SPECC1: variants seen among roughly 807,000 people sequenced by gnomAD.
SPECC1 encodes sperm antigen with calponin homology and coiled-coil domains 1.
SPECC1 carries 62 observed loss-of-function variants against 104.1 expected under a neutral mutation model. The observed-to-expected ratio is 0.60, with a 90% CI of 0.49 to 0.74. The LOEUF is 0.74. Among genes scored for constraint, SPECC1 ranks in the 30% least tolerant of loss-of-function variants. The pLI, the probability that SPECC1 is intolerant of heterozygous loss-of-function variation, is 0.00. For synonymous variants in SPECC1, 513 were observed against 501.6 expected (o/e 1.02, Z -0.30); for missense variants, 1,306 against 1,310.5 (o/e 1.00, Z 0.05).
chr17:20,269,581 C>T (rs1488983368), intron 12 of SPECC1, among the ~76,000 whole-genome samples: 1 of 152,226 alleles, frequency 6.6e-6, no homozygotes, highest in Non-Finnish European at 1.5e-5. Flanking sequence ...TGCCACCACA[C>T]CCAGCTGGTC....
At chr17:20,134,568 G>C (rs368653839) in intron 3 of SPECC1, among the ~76,000 whole-genome samples, 3 of 152,288 alleles carry the variant, frequency 2.0e-5, no homozygotes, top group African/African-American at 7.2e-5. Context: ...CAGAAAGCAA[G>C]ATTTCCTGCT....
chr17:20,250,620 C>G (rs1245166677), intron 9 of SPECC1, among the ~76,000 whole-genome samples: 2 of 152,152 alleles, frequency 1.3e-5, no homozygotes, highest in African/African-American at 2.4e-5. Context: ...AAAGAAATGC[C>G]AGGGCCTTAT....
At chr17:20,240,060 ATTTTTTTTTT>A (rs748689632) in intron 7 of SPECC1, among the ~76,000 whole-genome samples, 7 of 32,192 alleles carry the variant, frequency 2.2e-4, no homozygotes, top group Non-Finnish European at 3.6e-4. Flanking sequence ...TGTCCAGCTA[ATTTTTTTTTT>A]TTTTTTTTTT....
chr17:20,182,119 C>CT (rs57991209), intron 3 of SPECC1, among the ~76,000 whole-genome samples: 42 of 136,560 alleles, frequency 3.1e-4, no homozygotes, highest in Admixed American at 4.5e-4. Flanking sequence ...CTTTCTTTTT[C>CT]TTTTTTTTTT....
intron 3 of SPECC1, among the ~76,000 whole-genome samples, chr17:20,202,995 T>C (rs1356798173): frequency 6.6e-6 from 1 of 152,162 alleles, no homozygotes; most frequent in Non-Finnish European, 1.5e-5. Context: ...TCAGCCTTTA[T>C]GTCATCAGGA....
At chr17:20,293,618 G>A (rs1476340923) in intron 12 of SPECC1, among the ~76,000 whole-genome samples, 1 of 152,202 alleles carries the variant, frequency 6.6e-6, no homozygotes. Context: ...AGAAGAGGAA[G>A]AGCTCCTCAG....
At chr17:20,311,433 A>G (rs562025660) in intron 14 of SPECC1, among the ~76,000 whole-genome samples, 3 of 151,182 alleles carry the variant, frequency 2.0e-5, no homozygotes, top group Admixed American at 2.0e-4. Flanking sequence ...TCTGTCACCC[A>G]GGCCTGGGGT....
intron 7 of SPECC1, chr17:20,237,756 C>G (rs1169863413): frequency 1.0e-5 from 2 of 190,798 alleles, no homozygotes; most frequent in African/African-American, 4.7e-5. Flanking sequence ...TCAGAAGGTT[C>G]GGCGAGTTGG....
chr17:20,315,968 C>T lies in SPECC1; in HGVS notation c.*1903C>T, dbSNP rs1468276204. 4.3e-6 allele frequency: 1 copy of T among 232,752 alleles called. No individual in the cohort carries two copies. Among genetic ancestry groups the T allele is most frequent in the East Asian group, 6.1e-5 (1 of 16,512 alleles). The allele number at this position is 232,752 out of a possible 1,614,324, so 14.4% of individuals were successfully genotyped here. A position where few individuals can be genotyped will look rare whatever the true frequency, so the allele number is the denominator to read the frequency against. On this transcript the variant is annotated 3_prime_UTR_variant, in exon 15 of 15. Coordinates refer to ENST00000395527, the MANE Select transcript of SPECC1 (RefSeq NM_001243439.2). ...GTAAGTTCTTTAGGCGACTGAAGCA[C>T]AGCTGCTTGGAGAACCACTGAGGGG...
intron 7 of SPECC1, chr17:20,238,599 G>C: frequency 9.6e-7 from 1 of 1,042,862 alleles, no homozygotes; most frequent in Non-Finnish European, 1.2e-6. Flanking sequence ...AGAAAAATTA[G>C]CTTGGCGTGA....
At chr17:20,058,188 A>C (rs1474863931) in intron 1 of SPECC1, among the ~76,000 whole-genome samples, 1 of 152,098 alleles carries the variant, frequency 6.6e-6, no homozygotes, top group East Asian at 1.9e-4. Context: ...TTTTTTCCTC[A>C]TTTTAAATAT....
At chr17:20,030,171 A>G (rs1355339231) in intron 1 of SPECC1, among the ~76,000 whole-genome samples, 2 of 152,120 alleles carry the variant, frequency 1.3e-5, no homozygotes, top group Admixed American at 1.3e-4. Flanking sequence ...AACTAATACA[A>G]ACATTTTAAT....
chr17:20,070,817 T>A (rs1024165902), intron 1 of SPECC1, among the ~76,000 whole-genome samples: 1 of 149,416 alleles, frequency 6.7e-6, no homozygotes, highest in African/African-American at 2.4e-5. Context: ...TCAAGTTGTT[T>A]ATAGTGGGGT....
intron 1 of SPECC1, among the ~76,000 whole-genome samples, chr17:20,088,821 G>T (rs2047284372): frequency 6.6e-6 from 1 of 152,196 alleles, no homozygotes; most frequent in South Asian, 2.1e-4. Context: ...AGGATTAAGA[G>T]GTGGGGCCTT....
At chr17:20,144,890 G>GT (rs1166460350) in intron 3 of SPECC1, among the ~76,000 whole-genome samples, 3 of 151,874 alleles carry the variant, frequency 2.0e-5, no homozygotes, top group African/African-American at 4.8e-5. Flanking sequence ...AAGTACAGAG[G>GT]TTTTTTTTGT....
At chr17:20,189,511 T>C (rs1597922417) in intron 3 of SPECC1, among the ~76,000 whole-genome samples, 1 of 152,226 alleles carries the variant, frequency 6.6e-6, no homozygotes, top group Non-Finnish European at 1.5e-5. Context: ...TGGCAGCTGG[T>C]TGTGTGGGCC....
intron 13 of SPECC1, 165 bp from the exon 14 acceptor site, chr17:20,305,858 A>T (rs567934455): frequency 4.2e-6 from 2 of 471,730 alleles, no homozygotes; most frequent in Non-Finnish European, 7.2e-6. Flanking sequence ...CAACCTGTTG[A>T]TTTTTTTTTT....
intron 12 of SPECC1, among the ~76,000 whole-genome samples, chr17:20,266,305 C>T (rs1034692325): frequency 1.3e-5 from 2 of 152,136 alleles, no homozygotes; most frequent in African/African-American, 2.4e-5. Context: ...TGCTGGGGGC[C>T]GGGCGCGGTG....
At chr17:20,284,961 C>T (rs1229640786) in intron 12 of SPECC1, among the ~76,000 whole-genome samples, 2 of 152,184 alleles carry the variant, frequency 1.3e-5, no homozygotes, top group Non-Finnish European at 2.9e-5. Context: ...AGTTCATTCA[C>T]AGACACCTCA....
Sources: gnomAD v4.1 joint callset for allele counts (sites outside exome capture counted in the v4.1 genomes callset) on GRCh38, gnomAD v4.1.1 for gene constraint, MANE v1.5 for transcripts, NCBI Gene and HGNC (gene_info 2026-07-23, HGNC 2026-07-21) for gene names.